The following APPL2 variants were observed in gnomAD, a reference collection of about 807,000 sequenced individuals.
APPL2 encodes the protein adaptor protein, phosphotyrosine interacting with PH domain and leucine zipper 2, also known as DCC-interacting protein 13-beta.
APPL2 carries 84 observed loss-of-function variants against 92.7 expected under a neutral mutation model. That is an observed-to-expected ratio of 0.91 (90% confidence interval 0.76 to 1.09). The LOEUF is 1.09. Ranked by LOEUF, APPL2 falls within the 50% of genes least tolerant of loss-of-function variation. APPL2 has a pLI of 0.00. For synonymous variants in APPL2, 291 were observed against 291.0 expected (o/e 1.00, Z 0.00); for missense variants, 736 against 824.5 (o/e 0.89, Z 1.31).
At chr12:105,191,493 GTC>G (rs895527466) in intron 14 of APPL2, among the ~76,000 whole-genome samples, 8 of 152,208 alleles carry the variant, frequency 5.3e-5, no homozygotes, top group African/African-American at 1.9e-4. Context: ...GAGAAAGTGA[GTC>G]TAAGATTTTG....
At chr12:105,217,533 G>T in intron 3 of APPL2, 133 bp downstream of exon 3, 1 of 821,372 alleles carries the variant, frequency 1.2e-6, no homozygotes. Flanking sequence ...TCAGTGGAAG[G>T]GAAAAGACAG....
intron 1 of APPL2, among the ~76,000 whole-genome samples, chr12:105,232,609 A>T (rs1891003972): frequency 6.6e-6 from 1 of 152,054 alleles, no homozygotes; most frequent in African/African-American, 2.4e-5. Context: ...TACAAAAATT[A>T]AAAAATTAGC....
intron 17 of APPL2, among the ~76,000 whole-genome samples, chr12:105,182,586 A>G (rs1471595817): frequency 1.3e-5 from 2 of 152,184 alleles, no homozygotes; most frequent in African/African-American, 4.8e-5. Context: ...TTCTTAATCC[A>G]GAGTTCTAAT....
intron 9 of APPL2, among the ~76,000 whole-genome samples, chr12:105,202,087 C>T (rs1449798258): frequency 6.6e-6 from 1 of 152,206 alleles, no homozygotes; most frequent in Non-Finnish European, 1.5e-5. Context: ...TTTAAAATTA[C>T]AGGAAAAATA....
chr12:105,198,248 C>T (rs763131940), intron 10 of APPL2, among the ~76,000 whole-genome samples: 7 of 152,098 alleles, frequency 4.6e-5, no homozygotes, highest in Admixed American at 6.5e-5. Flanking sequence ...AGAATGAGTC[C>T]GACACCATTA....
At chr12:105,202,002 C>T (rs1380001244) in intron 9 of APPL2, among the ~76,000 whole-genome samples, 1 of 152,182 alleles carries the variant, frequency 6.6e-6, no homozygotes, top group Non-Finnish European at 1.5e-5. Context: ...GCTGGCTGCT[C>T]ATGCATGGCA....
At chr12:105,201,542 A>C (rs748118913) in intron 9 of APPL2, among the ~76,000 whole-genome samples, 9 of 152,006 alleles carry the variant, frequency 5.9e-5, no homozygotes, top group Non-Finnish European at 1.5e-5. Flanking sequence ...TCTTGCGTAC[A>C]ACTCCAGGAG....
intron 6 of APPL2, 27 bp from the exon 7 acceptor site, chr12:105,208,056 C>G (rs1888892748): frequency 6.2e-7 from 1 of 1,613,906 alleles, no homozygotes; most frequent in Non-Finnish European, 8.5e-7. Flanking sequence ...ATCTGAACAC[C>G]CAGGAGGGTC....
chr12:105,222,413 G>A (rs976456795), intron 2 of APPL2, among the ~76,000 whole-genome samples: 3 of 152,174 alleles, frequency 2.0e-5, no homozygotes, highest in African/African-American at 7.2e-5. Flanking sequence ...GTGCAGAGCG[G>A]GGCATGGAGG....
intron 1 of APPL2, among the ~76,000 whole-genome samples, chr12:105,232,255 C>T (rs1340742387): frequency 6.6e-6 from 1 of 152,172 alleles, no homozygotes; most frequent in East Asian, 1.9e-4. Flanking sequence ...TACTGCCCGA[C>T]ACTTTTAAGG....
chr12:105,191,178 T>C (rs1887160212), intron 14 of APPL2, among the ~76,000 whole-genome samples: 1 of 152,202 alleles, frequency 6.6e-6, no homozygotes, highest in Non-Finnish European at 1.5e-5. Context: ...GTACATAGGC[T>C]TGTAGATGGT....
At chr12:105,228,667 C>CA (rs3830656) in intron 2 of APPL2, among the ~76,000 whole-genome samples, 48,973 of 152,046 alleles carry the variant, frequency 0.32, 8,361 homozygotes, top group Non-Finnish European at 0.39. Context: ...ATTTGTTCCA[C>CA]AAACAAAGAA....
intron 5 of APPL2, 114 bp downstream of exon 5, chr12:105,211,116 A>C: frequency 2.6e-6 from 2 of 769,328 alleles, no homozygotes; most frequent in South Asian, 3.4e-5. Context: ...GAACTGCTCA[A>C]AAAGAAAGGC....
At chr12:105,180,033 A>G (rs1249259709) in intron 17 of APPL2, among the ~76,000 whole-genome samples, 1 of 152,202 alleles carries the variant, frequency 6.6e-6, no homozygotes, top group Non-Finnish European at 1.5e-5. Context: ...TGTTTTCATC[A>G]TGAACTCTTT....
At chr12:105,193,492 C>G (rs949273409) in intron 14 of APPL2, among the ~76,000 whole-genome samples, 29 of 152,160 alleles carry the variant, frequency 1.9e-4, no homozygotes, top group African/African-American at 6.8e-4. Context: ...CTGGTATTCC[C>G]TCCATTGTGC....
chr12:105,197,430 A>G (rs1592784424), intron 11 of APPL2, among the ~76,000 whole-genome samples: 1 of 152,242 alleles, frequency 6.6e-6, no homozygotes, highest in Non-Finnish European at 1.5e-5. Flanking sequence ...ATGCTTCTTT[A>G]CAACAGGCTA....
At chr12:105,200,693 A>C (rs1262350423) in intron 9 of APPL2, among the ~76,000 whole-genome samples, 6 of 152,252 alleles carry the variant, frequency 3.9e-5, no homozygotes. Flanking sequence ...ACTGTGTTAC[A>C]GGAGACACGG....
intron 8 of APPL2, among the ~76,000 whole-genome samples, chr12:105,204,752 G>A (rs1409689077): frequency 6.6e-6 from 1 of 152,116 alleles, no homozygotes; most frequent in Non-Finnish European, 1.5e-5. Flanking sequence ...TACACTCCTA[G>A]GCCATGTCTT....
At chr12:105,229,759 T>TAA in intron 1 of APPL2, 12 of 987,584 alleles carry the variant, frequency 1.2e-5, no homozygotes, top group Non-Finnish European at 1.4e-5. Flanking sequence ...GGTACTACGA[T>TAA]TTCCTTGTTT....
Sources: allele counts gnomAD v4.1 joint callset (sites outside exome capture counted in the v4.1 genomes callset), GRCh38; gene constraint gnomAD v4.1.1; transcripts MANE v1.5; gene names NCBI Gene and HGNC (gene_info 2026-07-23, HGNC 2026-07-21).